RMDN2: variants seen among roughly 807,000 people sequenced by gnomAD.
The protein encoded by RMDN2 is regulator of microtubule dynamics protein 2.
Under a neutral mutation model 52.8 loss-of-function variants are expected in RMDN2, and 61 were observed. The observed-to-expected ratio is 1.16, with a 90% CI of 0.94 to 1.43. The LOEUF (loss-of-function observed/expected upper bound fraction) is 1.43, where lower values mean the gene tolerates loss of function less well. Ranked by LOEUF, RMDN2 falls within the 40% of genes most tolerant of loss-of-function variation. The pLI is 0.00. For missense variants in RMDN2, 592 were observed against 475.3 expected (o/e 1.25, Z -2.28); for synonymous variants, 180 against 153.1 (o/e 1.18, Z -1.30).
chr2:37,980,946 T>C (rs1180840800), intron 4 of RMDN2, among the ~76,000 whole-genome samples: 1 of 152,234 alleles, frequency 6.6e-6, no homozygotes, highest in Non-Finnish European at 1.5e-5. Context: ...GTAAATGTTG[T>C]TTGAATGGAA....
chr2:38,060,864 A>G (rs1206333861), intron 10 of RMDN2, among the ~76,000 whole-genome samples: 1 of 152,128 alleles, frequency 6.6e-6, no homozygotes, highest in Non-Finnish European at 1.5e-5. Context: ...CCCAAACAGA[A>G]CACGAGGCTG....
intron 10 of RMDN2, among the ~76,000 whole-genome samples, chr2:38,006,901 G>C (rs1361051945): frequency 6.6e-6 from 1 of 152,144 alleles, no homozygotes; most frequent in East Asian, 1.9e-4. Flanking sequence ...TTTATTAAGG[G>C]TTTTTAGCAT....
At chr2:37,965,723 A>G (rs569180544) in intron 2 of RMDN2, among the ~76,000 whole-genome samples, 5 of 152,252 alleles carry the variant, frequency 3.3e-5, no homozygotes, top group African/African-American at 9.6e-5. Context: ...ATATTTTTGT[A>G]TGGTTCAAGT....
intron 2 of RMDN2, among the ~76,000 whole-genome samples, chr2:37,945,782 AT>A (rs1379931809): frequency 6.6e-6 from 1 of 152,168 alleles, no homozygotes; most frequent in African/African-American, 2.4e-5. Flanking sequence ...TCTGGGAAAG[AT>A]TAGGCAACTT....
intron 10 of RMDN2, among the ~76,000 whole-genome samples, chr2:38,064,792 T>C (rs959532284): frequency 1.3e-5 from 2 of 151,444 alleles, no homozygotes; most frequent in African/African-American, 4.9e-5. Flanking sequence ...AAAAAAAATC[T>C]ATGTAATGCA....
chr2:38,004,192 A>T lies in RMDN2; in HGVS notation c.1155A>T (p.Leu385Phe), dbSNP rs1435441498. Residue 385 changes from leucine (L) to phenylalanine (F), a missense_variant, in exon 10 of 11, where the codon TTA becomes TTT. By Grantham distance (22) the Leu-to-Phe change is conservative. Coordinates refer to ENST00000354545, the MANE Select transcript of RMDN2 (RefSeq NM_001170791.3). ...QNALKFCNLA[L>F]LLPTVTKEDK... ...CTTTGAAGTTCTGTAATTTGGCTTT[A>T]TTGCTTCCTACTGTTACCAAAGAGG... 1 of 1,613,712 alleles carries T rather than the reference A, an allele frequency of 6.2e-7. No homozygotes were observed. The highest frequency in any genetic ancestry group is 2.2e-5 in the East Asian group (1 of 44,794).
intron 8 of RMDN2, among the ~76,000 whole-genome samples, chr2:37,999,304 G>T (rs1037935052): frequency 6.6e-6 from 1 of 152,166 alleles, no homozygotes; most frequent in Non-Finnish European, 1.5e-5. Context: ...ATAACATGGA[G>T]ATAATAGTAC....
chr2:37,973,039 A>G (rs978143170), intron 2 of RMDN2, among the ~76,000 whole-genome samples: 1 of 152,226 alleles, frequency 6.6e-6, no homozygotes, highest in Non-Finnish European at 1.5e-5. Flanking sequence ...TGCATGCTAG[A>G]AAATGAAGAA....
chr2:37,936,216 A>G (rs1380627052), intron 2 of RMDN2, among the ~76,000 whole-genome samples: 1 of 152,240 alleles, frequency 6.6e-6, no homozygotes, highest in African/African-American at 2.4e-5. Flanking sequence ...TGTCCCTGCA[A>G]AGGACATGAT....
chr2:37,925,049 T>A (rs919788966), upstream of RMDN2, among the ~76,000 whole-genome samples: 1 of 152,066 alleles, frequency 6.6e-6, no homozygotes, highest in Non-Finnish European at 1.5e-5. Flanking sequence ...GGGAACGCGC[T>A]GGGGCTAGCG....
chr2:38,009,297 T>C (rs546671599), intron 10 of RMDN2, among the ~76,000 whole-genome samples: 1 of 152,326 alleles, frequency 6.6e-6, no homozygotes, highest in East Asian at 1.9e-4. Context: ...TCCTGCAGAG[T>C]GTTTTCCAAC....
intron 10 of RMDN2, among the ~76,000 whole-genome samples, chr2:38,056,362 C>A (rs1681855789): frequency 6.6e-6 from 1 of 152,194 alleles, no homozygotes; most frequent in African/African-American, 2.4e-5. Flanking sequence ...TCCCAAAGCA[C>A]TTCATACACC....
exon 11 of RMDN2, chr2:38,067,000 T>C (rs766519587): frequency 6.2e-7 from 1 of 1,613,774 alleles, no homozygotes; most frequent in Non-Finnish European, 8.5e-7. Context: ...GTCTGGAAGA[T>C]AAAGAGCCTT....
chr2:38,046,296 T>C (rs1259298708), intron 10 of RMDN2, among the ~76,000 whole-genome samples: 1 of 152,200 alleles, frequency 6.6e-6, no homozygotes, highest in African/African-American at 2.4e-5. Flanking sequence ...TATTTGAGCA[T>C]AATCTCTAAC....
chr2:37,977,858 C>T (rs1447663567), intron 4 of RMDN2, among the ~76,000 whole-genome samples: 1 of 150,816 alleles, frequency 6.6e-6, no homozygotes, highest in East Asian at 1.9e-4. Context: ...GGCAGAGGGG[C>T]TCCTCACATC....
rs140159890 is a variant in RMDN2, at chr2:37,952,036, C to T, written c.453-22004C>T. On this transcript the variant is annotated intron_variant, in intron 2 of 10. Coordinates refer to ENST00000354545, the MANE Select transcript of RMDN2 (RefSeq NM_001170791.3). Reference sequence around the variant, plus strand: ...CCACAGCATCCCTCTCAAAGTGGAACTTTCCCATTCCTCCATAAAGCTGGA... The same window carrying T: ...CCACAGCATCCCTCTCAAAGTGGAATTTTCCCATTCCTCCATAAAGCTGGA... 5.3e-4 allele frequency: 858 copies of T among 1,613,470 alleles called. 5 individuals carry two copies. In the African/African-American group the frequency reaches 9.3e-3, roughly 17 times the overall value.
chr2:37,951,888 C>G, intron 2 of RMDN2: 1 of 1,613,312 alleles, frequency 6.2e-7, no homozygotes. Context: ...TATTTCCTCT[C>G]CCGATCAACA....
At chr2:38,066,917 C>A in intron 10 of RMDN2, 1 of 1,551,114 alleles carries the variant, frequency 6.4e-7, no homozygotes, top group Non-Finnish European at 8.9e-7. Context: ...AGTGAGGTTC[C>A]CACGCCAAAG....
intron 5 of RMDN2, among the ~76,000 whole-genome samples, chr2:37,985,294 G>A (rs1289329043): frequency 6.6e-6 from 1 of 152,272 alleles, no homozygotes; most frequent in East Asian, 1.9e-4. Context: ...ACGGTTAGAT[G>A]GGTTGTTTTG....
Sources: gnomAD v4.1 joint callset for allele counts (sites outside exome capture counted in the v4.1 genomes callset) on GRCh38, gnomAD v4.1.1 for gene constraint, MANE v1.5 for transcripts, NCBI Gene and HGNC (gene_info 2026-07-23, HGNC 2026-07-21) for gene names.